Variants in SDHB observed in about 807,000 individuals in gnomAD.
SDHB encodes the protein succinate dehydrogenase [ubiquinone] iron-sulfur subunit, mitochondrial.
Under a neutral mutation model 39.7 loss-of-function variants are expected in SDHB, and 21 were observed. That is an observed-to-expected ratio of 0.53 (90% CI 0.37 to 0.76). SDHB has a LOEUF of 0.76. SDHB is among the 30% of genes least tolerant of loss of function. The pLI is 0.00. For missense variants in SDHB, 343 were observed against 350.9 expected (o/e 0.98, Z 0.18); for synonymous variants, 118 against 117.0 (o/e 1.01, Z -0.06).
At chr1:17,053,781 T>G (rs2078161855) in intron 1 of SDHB, among the ~76,000 whole-genome samples, 167 bp downstream of exon 1, 1 of 151,668 alleles carries the variant, frequency 6.6e-6, no homozygotes, top group Non-Finnish European at 1.5e-5. Context: ...AAAGATAACT[T>G]GACAGGGATG....
At chr1:17,030,942 G>C (rs1235808772) in intron 3 of SDHB, among the ~76,000 whole-genome samples, 1 of 146,502 alleles carries the variant, frequency 6.8e-6, no homozygotes, top group Non-Finnish European at 1.5e-5. Context: ...GCCTCTGAAT[G>C]CCTGGCCTCA....
intron 1 of SDHB, among the ~76,000 whole-genome samples, chr1:17,049,551 C>T (rs899775613): frequency 7.3e-5 from 11 of 151,334 alleles, no homozygotes; most frequent in African/African-American, 2.2e-4. Flanking sequence ...CCTGCCTCAG[C>T]GTTCCAAAGT....
intron 1 of SDHB, chr1:17,045,188 A>G: frequency 2.5e-6 from 1 of 398,824 alleles, no homozygotes; most frequent in Non-Finnish European, 4.7e-6. Context: ...GAATATAAAG[A>G]GCGATACTGT....
chr1:17,048,023 A>G (rs1451604610), intron 1 of SDHB, among the ~76,000 whole-genome samples: 1 of 152,080 alleles, frequency 6.6e-6, no homozygotes, highest in African/African-American at 2.4e-5. Context: ...CATCTTGCAA[A>G]CTGTAGCACA....
chr1:17,022,197 G>C (rs183170278), intron 7 of SDHB, among the ~76,000 whole-genome samples: 4 of 152,348 alleles, frequency 2.6e-5, no homozygotes, highest in Admixed American at 2.6e-4. Context: ...AGAGCCGAAG[G>C]AAAGAACAGG....
chr1:17,046,383 T>C (rs1216769592), intron 1 of SDHB, among the ~76,000 whole-genome samples: 2 of 152,084 alleles, frequency 1.3e-5, no homozygotes, highest in Non-Finnish European at 2.9e-5. Flanking sequence ...TTCTGTGAGA[T>C]TTAATAAGGT....
Position 17,053,953 on chromosome 1 carries a change from G to C in SDHB, c.67C>G (p.Leu23Val), listed in dbSNP as rs1553179319. The C allele has an allele frequency of 1.9e-6, 3 of 1,612,472 alleles. No individual in the cohort carries two copies. The highest frequency in any genetic ancestry group is 2.5e-6 in the Non-Finnish European group (3 of 1,179,154). Residue 23 changes from leucine to valine, a missense_variant, in exon 1 of 8, where the codon CTG (leucine) becomes GTG (valine). Physicochemically the swap from Leu to Val is conservative, Grantham distance 32. Transcript: ENST00000375499. ...TCTGAGGCTCCAGGACTCACCTGCA[G>C]GCAGGCTCCGCCAAGGGTTGTGGCC... is the stretch of plus-strand genomic sequence containing the variant. The part of the protein sequence containing the change: ...LPATTLGGAC[L>V]QASRGAQTAA...
At chr1:17,033,216 G>A (rs765667463) in intron 2 of SDHB, 71 bp from the exon 3 acceptor site, 93 of 1,137,106 alleles carry the variant, frequency 8.2e-5, no homozygotes, top group Admixed American at 2.5e-4. Context: ...TAATATAATC[G>A]GAGACACCTG....
intron 5 of SDHB, among the ~76,000 whole-genome samples, chr1:17,025,713 A>C (rs139130394): frequency 2.0e-3 from 304 of 152,314 alleles, no homozygotes; most frequent in Non-Finnish European, 3.7e-3. Flanking sequence ...TACATACATA[A>C]ATTTCTCCAC....
At chr1:17,031,460 T>C (rs545064286) in intron 3 of SDHB, among the ~76,000 whole-genome samples, 100 of 152,274 alleles carry the variant, frequency 6.6e-4, no homozygotes, top group Non-Finnish European at 8.4e-4. Context: ...CTTATGTTCT[T>C]GGTTCTGAAA....
chr1:17,032,344 C>T (rs1336641633), intron 3 of SDHB, among the ~76,000 whole-genome samples: 4 of 87,286 alleles, frequency 4.6e-5, no homozygotes, highest in African/African-American at 9.3e-5. Context: ...TCCGCTATCA[C>T]GCCCGGCTAA....
rs543494502 is a variant in SDHB at position 17,049,603 on chromosome 1, C to T, written c.72+4345G>A. 9.6e-4 allele frequency among the ~76,000 whole-genome samples: 138 copies of T among 143,058 alleles called. 1 individual carries two copies. Among genetic ancestry groups the T allele is most frequent in the African/African-American group, 3.2e-3 (123 of 38,220 alleles). 93.9% of individuals were successfully genotyped at this position (143,058 alleles called of 152,430 possible). A position where few individuals can be genotyped will look rare whatever the true frequency, so the allele number is the denominator to read the frequency against. ...TGAGCAACCGCGCCTGGCCCCTAAC[C>T]GGGCTTTAAACAGAATCTGGGACTG... On this transcript the variant is annotated intron_variant, in intron 1 of 7. Transcript: ENST00000375499.
chr1:17,023,194 T>G, intron 6 of SDHB: 1 of 284,878 alleles, frequency 3.5e-6, no homozygotes, highest in Non-Finnish European at 6.9e-6. Context: ...TACACAGCGC[T>G]CTCAGCAGCC....
chr1:17,028,745 GAC>G lies in SDHB; in HGVS notation c.287-11_287-10del. 6.2e-7 allele frequency: 1 copy of G among 1,613,630 alleles called. No individual in the cohort carries two copies. The highest frequency in any genetic ancestry group is 8.5e-7 in the Non-Finnish European group (1 of 1,180,022). On this transcript the variant is annotated splice_polypyrimidine_tract_variant and intron_variant, in intron 3 of 7. Coordinates refer to ENST00000375499, the MANE Select transcript of SDHB (RefSeq NM_003000.3). The stretch of plus-strand genomic sequence containing the variant: ...ACAAGAGCCACAGATGCCTGAAAGA[GAC>G]ACACATTTAACACATCCTCACCCAT...
rs575308948 is a variant in SDHB, at chr1:17,022,300, C to T, written c.765+308G>A. ...CAGCTGCCCACGTTCCAACGGCTTTCGCTTTCTGTTTCCTGGGAAGGTTGA... is the reference window on the plus strand; with the variant it reads ...CAGCTGCCCACGTTCCAACGGCTTTTGCTTTCTGTTTCCTGGGAAGGTTGA... On this transcript the variant is annotated intron_variant, in intron 7 of 7. Coordinates refer to ENST00000375499, the MANE Select transcript of SDHB (RefSeq NM_003000.3). Among the ~76,000 whole-genome samples, 10 of 152,264 alleles carry T rather than the reference C, an allele frequency of 6.6e-5. No individual in the cohort carries two copies. The East Asian group carries it at 1.2e-3, about 18-fold the overall frequency.
At chr1:17,027,344 A>C (rs1197065082) in intron 5 of SDHB, among the ~76,000 whole-genome samples, 1 of 152,156 alleles carries the variant, frequency 6.6e-6, no homozygotes, top group African/African-American at 2.4e-5. Context: ...TGCCATTAAC[A>C]TTTCACTCCC....
At position 17,031,833 on chromosome 1, in the gene SDHB, TGA is replaced by T. The variant is rs1342383263; in HGVS notation, c.286+1225_286+1226del. ...AGGTGTTCCAAGCCAAGTCAGTGCC[TGA>T]GAGAGCAGATCTGGAGTCTGGAGTC... On this transcript the variant is annotated intron_variant, in intron 3 of 7. Coordinates refer to ENST00000375499, the MANE Select transcript of SDHB (RefSeq NM_003000.3). Among the ~76,000 whole-genome samples the T allele has an allele frequency of 2.0e-5, 3 of 152,206 alleles. 1 individual carries two copies. The highest frequency in any genetic ancestry group is 7.2e-5 in the African/African-American group (3 of 41,442).
intron 7 of SDHB, among the ~76,000 whole-genome samples, chr1:17,019,505 G>A (rs570037652): frequency 6.6e-6 from 1 of 152,020 alleles, no homozygotes; most frequent in Non-Finnish European, 1.5e-5. Context: ...TGCTTTGCAG[G>A]AGGCACAATA....
intron 2 of SDHB, 70 bp downstream of exon 2, chr1:17,044,691 T>C: frequency 6.5e-7 from 1 of 1,540,266 alleles, no homozygotes; most frequent in South Asian, 1.1e-5. Context: ...CTTCCAAGGA[T>C]GTGAAAAGCA....
Sources: gnomAD v4.1 joint callset for allele counts (sites outside exome capture counted in the v4.1 genomes callset) on GRCh38, gnomAD v4.1.1 for gene constraint, MANE v1.5 for transcripts, NCBI Gene and HGNC (gene_info 2026-07-23, HGNC 2026-07-21) for gene names.